The following NAALADL2 variants were observed in gnomAD, a reference collection of about 807,000 sequenced individuals.
NAALADL2 encodes the protein inactive N-acetylated-alpha-linked acidic dipeptidase-like protein 2.
NAALADL2 carries 76 observed loss-of-function variants against 87.2 expected under a neutral mutation model. That is an observed-to-expected ratio of 0.87 (90% CI 0.72 to 1.05). The LOEUF (loss-of-function observed/expected upper bound fraction) is 1.05, where lower values mean the gene tolerates loss of function less well. NAALADL2 is among the 50% of genes least tolerant of loss of function. NAALADL2 has a pLI of 0.00. For missense variants in NAALADL2, 1,089 were observed against 945.8 expected (o/e 1.15, Z -1.99); for synonymous variants, 354 against 331.0 (o/e 1.07, Z -0.75).
intron 1 of NAALADL2, among the ~76,000 whole-genome samples, chr3:174,991,844 A>G (rs1381255213): frequency 6.6e-6 from 1 of 152,112 alleles, no homozygotes; most frequent in Non-Finnish European, 1.5e-5. Flanking sequence ...ACATGACTGA[A>G]TGAAACTTTT....
At chr3:174,860,414 TAATA>T (rs1254451032) in intron 1 of NAALADL2, among the ~76,000 whole-genome samples, 1 of 151,996 alleles carries the variant, frequency 6.6e-6, no homozygotes, top group Non-Finnish European at 1.5e-5. Context: ...AAAAGTCATG[TAATA>T]AATTCTATTG....
At chr3:175,108,533 A>G (rs1723627434) in intron 2 of NAALADL2, among the ~76,000 whole-genome samples, 1 of 151,950 alleles carries the variant, frequency 6.6e-6, no homozygotes, top group African/African-American at 2.4e-5. Flanking sequence ...AGAAAAATAA[A>G]ACAAGTGTGG....
chr3:175,766,105 C>A lies in NAALADL2; in HGVS notation c.2189+10687C>A, dbSNP rs1748650674. On this transcript the variant is annotated intron_variant, in intron 13 of 13. Transcript: ENST00000454872. ...CACATTTCAGAGTTACATCCCCTAACTTGATAGTGACAAAATTGCATCTGT... is the reference window on the plus strand; with the variant it reads ...CACATTTCAGAGTTACATCCCCTAAATTGATAGTGACAAAATTGCATCTGT... 2.6e-5 allele frequency among the ~76,000 whole-genome samples: 4 copies of A among 152,096 alleles called. No homozygotes were observed. The South Asian group carries it at 8.3e-4, about 31-fold the overall frequency.
intron 13 of NAALADL2, among the ~76,000 whole-genome samples, chr3:175,794,893 CTCAGGACTGGGAAGTT>C (rs1413789620): frequency 1.3e-5 from 2 of 152,318 alleles, no homozygotes; most frequent in Non-Finnish European, 2.9e-5. Context: ...TCTCACAGTT[CTCAGGACTGGGAAGTT>C]CAAGATCAGG....
intron 6 of NAALADL2, chr3:175,460,264 TAAAC>T (rs978083274): frequency 8.9e-6 from 4 of 449,142 alleles, no homozygotes; most frequent in South Asian, 4.8e-5. Flanking sequence ...CTAGTGAAAA[TAAAC>T]AGACTCTATG....
In NAALADL2 at chr3:174,492,843, G is replaced by A. The variant is rs79085651; in HGVS notation, c.-184+51811G>A. Among the ~76,000 whole-genome samples, 1,494 of 152,272 alleles carry A rather than the reference G, an allele frequency of 9.8e-3. 10 individuals are homozygous for A. Among genetic ancestry groups the A allele is most frequent in the Non-Finnish European group, 0.015 (1,013 of 68,018 alleles). On this transcript the variant is annotated intron_variant, in intron 1 of 3. Transcript: ENST00000434257. The stretch of plus-strand genomic sequence containing the variant: ...CTGACCACTTTCCTTTTCAAGTGAA[G>A]AACTGAAGCACCAGTTATTTAACCA...
At chr3:175,047,011 G>T (rs1237327735) in intron 1 of NAALADL2, among the ~76,000 whole-genome samples, 2 of 152,102 alleles carry the variant, frequency 1.3e-5, no homozygotes, top group Non-Finnish European at 2.9e-5. Context: ...GTCATAGATG[G>T]CCATCTTCTT....
intron 2 of NAALADL2, among the ~76,000 whole-genome samples, chr3:175,175,001 T>G (rs547998046): frequency 6.6e-6 from 1 of 152,086 alleles, no homozygotes; most frequent in African/African-American, 2.4e-5. Context: ...TAAATGATAT[T>G]GAATTTTTTG....
chr3:174,747,238 G>T (rs763170633), intron 3 of NAALADL2, among the ~76,000 whole-genome samples: 7 of 151,714 alleles, frequency 4.6e-5, no homozygotes, highest in African/African-American at 9.7e-5. Context: ...ACAAGAAAAG[G>T]CCAAACAACC....
intron 2 of NAALADL2, among the ~76,000 whole-genome samples, chr3:175,144,436 G>C (rs1326770473): frequency 6.6e-6 from 1 of 151,930 alleles, no homozygotes; most frequent in Admixed American, 6.6e-5. Flanking sequence ...TATGAGTTAA[G>C]TTGAGTTTTG....
At chr3:174,697,114 T>C (rs1331922788) in intron 2 of NAALADL2, among the ~76,000 whole-genome samples, 2 of 121,826 alleles carry the variant, frequency 1.6e-5, no homozygotes, top group Admixed American at 1.7e-4. Flanking sequence ...GCTCTGACTT[T>C]GCAGTAAAAA....
intron 2 of NAALADL2, among the ~76,000 whole-genome samples, chr3:174,666,481 T>C (rs1460240316): frequency 1.3e-5 from 2 of 152,170 alleles, no homozygotes; most frequent in Admixed American, 1.3e-4. Flanking sequence ...ATAGATGACT[T>C]TCCTTGAAGT....
In NAALADL2 at chr3:175,803,021, C is replaced by G; in HGVS notation, c.2206C>G (p.Leu736Val). Reference protein sequence around the residue: ...PGFYRNILYHLDEKTSRFSIL... With the variant: ...PGFYRNILYHVDEKTSRFSIL... ...TCTTTTCAGAAACATCCTCTACCAC[C>G]TTGATGAAAAGACAAGCCGGTTTTC... The change falls in exon 14 of 14, where the codon CTT becomes GTT. Residue 736 changes from leucine (L) to valine (V), a missense_variant. By Grantham distance (32) the Leu-to-Val change is conservative. Transcript: ENST00000454872. 1 of 1,611,020 alleles carries G rather than the reference C, an allele frequency of 6.2e-7. No homozygotes were observed. The highest frequency in any genetic ancestry group is 8.5e-7 in the Non-Finnish European group (1 of 1,177,926).
intron 9 of NAALADL2, among the ~76,000 whole-genome samples, chr3:175,528,780 A>G (rs895911057): frequency 1.3e-5 from 2 of 152,260 alleles, no homozygotes; most frequent in Non-Finnish European, 2.9e-5. Context: ...ATCTTATGTC[A>G]CATGATAAAG....
chr3:174,596,075 A>G lies in NAALADL2; in HGVS notation c.-115+45438A>G, dbSNP rs148522028. Among the ~76,000 whole-genome samples, 320 of 152,174 alleles carry G rather than the reference A, an allele frequency of 2.1e-3. 2 individuals carry two copies. The highest frequency in any genetic ancestry group is 7.3e-3 in the African/African-American group (305 of 41,524). On this transcript the variant is annotated intron_variant, in intron 2 of 3. Coordinates refer to the NAALADL2 transcript ENST00000434257. Reference sequence around the variant, plus strand: ...ACACAAACAAAACAACAAAAACAATATTAATAACAAAACTGCCATGACTCT... The same window carrying G: ...ACACAAACAAAACAACAAAAACAATGTTAATAACAAAACTGCCATGACTCT...
intron 1 of NAALADL2, among the ~76,000 whole-genome samples, chr3:174,452,765 A>G (rs1279840752): frequency 1.3e-5 from 2 of 152,142 alleles, no homozygotes; most frequent in Admixed American, 6.5e-5. Flanking sequence ...ATAAAAGAAA[A>G]AAAAAAAACT....
chr3:175,417,683 A>G (rs1560517770), intron 5 of NAALADL2, among the ~76,000 whole-genome samples: 1 of 152,162 alleles, frequency 6.6e-6, no homozygotes, highest in Non-Finnish European at 1.5e-5. Context: ...TATGTAAAAT[A>G]AGATTATAAT....
chr3:175,709,636 A>G (rs1182305994), intron 11 of NAALADL2, among the ~76,000 whole-genome samples: 1 of 142,252 alleles, frequency 7.0e-6, no homozygotes. Flanking sequence ...CTCTTTGTAT[A>G]TGATATTTGA....
intron 1 of NAALADL2, among the ~76,000 whole-genome samples, chr3:174,894,063 A>C (rs62284952): frequency 0.14 from 21,428 of 152,138 alleles, 1,707 homozygotes; most frequent in East Asian, 0.36. Flanking sequence ...CTGTACTTAG[A>C]GAAATTAGAT....
Sources: allele counts gnomAD v4.1 joint callset (sites outside exome capture counted in the v4.1 genomes callset), GRCh38; gene constraint gnomAD v4.1.1; transcripts MANE v1.5; gene names NCBI Gene and HGNC (gene_info 2026-07-23, HGNC 2026-07-21).